MED25: variants seen among roughly 807,000 people sequenced by gnomAD.
MED25 encodes mediator complex subunit 25, also known as mediator of RNA polymerase II transcription subunit 25.
In MED25, 62 loss-of-function variants were observed where a neutral mutation model predicts 89.4. The ratio of observed to expected loss-of-function variants is 0.69; its 90% CI spans 0.57 to 0.86. The LOEUF is 0.86. Among genes scored for constraint, MED25 ranks in the 40% least tolerant of loss-of-function variants. The pLI is 0.00. For synonymous variants in MED25, 449 were observed against 427.9 expected (o/e 1.05, Z -0.61); for missense variants, 905 against 1,005.2 (o/e 0.90, Z 1.35).
intron 2 of MED25, 37 bp downstream of exon 2, chr19:49,818,653 G>C (rs2073956775): frequency 1.3e-6 from 2 of 1,590,042 alleles, no homozygotes; most frequent in Non-Finnish European, 1.7e-6. Flanking sequence ...GGGAGGAGGG[G>C]CCGGGGGCCT....
At chr19:49,825,563 A>G (rs910735146) in intron 3 of MED25, among the ~76,000 whole-genome samples, 1 of 151,702 alleles carries the variant, frequency 6.6e-6, no homozygotes, top group East Asian at 2.0e-4. Flanking sequence ...ACTGTTTTAC[A>G]GGGTCATGCC....
chr19:49,831,597 T>A lies in MED25; in HGVS notation c.1230+136T>A, dbSNP rs2074058184. 2 of 1,189,246 alleles carry A rather than the reference T, an allele frequency of 1.7e-6. No individual in the cohort carries two copies. The highest frequency in any genetic ancestry group is 5.1e-5 in the Admixed American group (2 of 39,106). The allele number at this position is 1,189,246 out of a possible 1,614,324, so 73.7% of individuals were successfully genotyped here. On this transcript the variant is annotated intron_variant, in intron 10 of 17. Coordinates refer to ENST00000312865, the MANE Select transcript of MED25 (RefSeq NM_030973.4). The surrounding 1 kb of genome is among the most constrained non-coding windows in gnomAD (Gnocchi z 5.0). ...CATTCGTTGCGCTGGACCTGTGGGA[T>A]GCGGGGCGAGGCCAGGAGCCCCATG...
At chr19:49,822,612 C>A (rs998818756) in intron 3 of MED25, among the ~76,000 whole-genome samples, 25 of 147,718 alleles carry the variant, frequency 1.7e-4, no homozygotes, top group African/African-American at 1.2e-4. Context: ...TTGGAAGTTA[C>A]ACGTCATGTC....
At chr19:49,826,345 CA>C (rs1313776166) in intron 3 of MED25, among the ~76,000 whole-genome samples, 2 of 152,166 alleles carry the variant, frequency 1.3e-5, no homozygotes, top group Non-Finnish European at 2.9e-5. Flanking sequence ...GTCTCAAAAA[CA>C]AAAGCTGTTT....
downstream of MED25, chr19:49,838,825 GGTTT>G: frequency 2.3e-6 from 1 of 441,976 alleles, no homozygotes; most frequent in Non-Finnish European, 4.6e-6. Context: ...ATGTCAATAG[GGTTT>G]GTTTTGAAAA....
Position 49,829,170 on chromosome 19 carries a change from G to A in MED25, c.525+80G>A. On this transcript the variant is annotated intron_variant, in intron 5 of 17. Transcript: ENST00000312865. The surrounding 1 kb of genome is among the most constrained non-coding windows in gnomAD (Gnocchi z 4.6). Reference sequence around the variant, plus strand: ...TGAGGCAGGAGGCACTGAGGGCCTGGACTCCTGGGTCTGAGGGAGGAGGCA... The same window carrying A: ...TGAGGCAGGAGGCACTGAGGGCCTGAACTCCTGGGTCTGAGGGAGGAGGCA... The A allele has an allele frequency of 7.6e-7, 1 of 1,321,776 alleles. No homozygotes were observed. Among genetic ancestry groups the A allele is most frequent in the Admixed American group, 1.9e-5 (1 of 51,740 alleles). 81.9% of individuals were successfully genotyped at this position (1,321,776 alleles called of 1,614,324 possible).
downstream of MED25, chr19:49,839,152 A>G (rs1008555326): frequency 1.6e-5 from 4 of 243,540 alleles, no homozygotes; most frequent in African/African-American, 9.1e-5. Context: ...GGTGTTAAGA[A>G]TCTTGATGTG....
intron 13 of MED25, chr19:49,832,863 G>A (rs1306796793): frequency 1.8e-5 from 5 of 270,532 alleles, no homozygotes; most frequent in African/African-American, 4.4e-5. Context: ...TGCCTCTTCC[G>A]GCCGGTAACC....
At position 49,831,692 on chromosome 19, in the gene MED25, C is replaced by T. The variant is rs951253083; in HGVS notation, c.1230+231C>T. Among the ~76,000 whole-genome samples the T allele has an allele frequency of 6.6e-6, 1 of 152,086 alleles. No homozygotes were observed. Among genetic ancestry groups the T allele is most frequent in the Non-Finnish European group, 1.5e-5 (1 of 68,008 alleles). On this transcript the variant is annotated intron_variant, in intron 10 of 17. Transcript: ENST00000312865. The surrounding 1 kb of genome is among the most constrained non-coding windows in gnomAD (Gnocchi z 5.0). Reference sequence around the variant, plus strand: ...ACCCAGAAAAGCCCAGGATTTGGGGCCCAGAGAAGAGCCCAGGCGATGTAT... The same window carrying T: ...ACCCAGAAAAGCCCAGGATTTGGGGTCCAGAGAAGAGCCCAGGCGATGTAT...
At chr19:49,822,281 A>AG (rs1300594292) in intron 3 of MED25, among the ~76,000 whole-genome samples, 1 of 141,450 alleles carries the variant, frequency 7.1e-6, no homozygotes, top group African/African-American at 2.7e-5. Context: ...AAAAAAAAAA[A>AG]AAACCATACA....
intron 13 of MED25, chr19:49,832,937 G>A (rs1345704747): frequency 2.9e-5 from 6 of 207,714 alleles, no homozygotes; most frequent in Admixed American, 5.3e-5. Context: ...CCCTCTGTGT[G>A]TGTCTCCACA....
intron 3 of MED25, among the ~76,000 whole-genome samples, chr19:49,825,277 C>T (rs1465015774): frequency 1.3e-5 from 2 of 151,736 alleles, no homozygotes; most frequent in Non-Finnish European, 2.9e-5. Context: ...GAGATGGAGT[C>T]TCTCTCTCTC....
Position 49,831,508 on chromosome 19 carries a change from T to C in MED25, c.1230+47T>C. 6.3e-7 allele frequency: 1 copy of C among 1,596,692 alleles called. No homozygotes were observed. The highest frequency in any genetic ancestry group is 8.5e-7 in the Non-Finnish European group (1 of 1,170,194). ...TGGGCACTTGGGACTCCTGGGGCCGTGGGGCTGGGCATGTAGGACTCATGG... is the reference window on the plus strand; with the variant it reads ...TGGGCACTTGGGACTCCTGGGGCCGCGGGGCTGGGCATGTAGGACTCATGG... On this transcript the variant is annotated intron_variant, in intron 10 of 17. Transcript: ENST00000312865. This position sits in a 1 kb window ranked among gnomAD's most constrained non-coding sequence, Gnocchi z 5.0.
chr19:49,823,887 C>T (rs906305634), intron 3 of MED25, among the ~76,000 whole-genome samples: 1 of 152,144 alleles, frequency 6.6e-6, no homozygotes, highest in African/African-American at 2.4e-5. Flanking sequence ...TCCTTGGCCT[C>T]TACTCACTAG....
Position 49,836,885 on chromosome 19 carries a change from C to G in MED25, c.2185C>G (p.Pro729Ala), listed in dbSNP as rs536619167. The G allele has an allele frequency of 1.9e-6, 3 of 1,612,650 alleles. No homozygotes were observed. In the East Asian group the frequency reaches 6.7e-5, roughly 36 times the overall value. Residue 729 changes from proline (P) to alanine (A), a missense_variant, in exon 18 of 18, where the codon CCC (proline) becomes GCC (alanine). By Grantham distance (27) the Pro-to-Ala change is conservative (BLOSUM62 -1). Around this residue, in one of 3 missense-constraint regions of MED25, gnomAD observed 271 missense variants for 258.1 expected, o/e 1.05. Coordinates refer to ENST00000312865, the MANE Select transcript of MED25 (RefSeq NM_030973.4). The surrounding 1 kb of genome is among the most constrained non-coding windows in gnomAD (Gnocchi z 5.1). Reference sequence around the variant, plus strand: ...GAGCGGGGGTCCCCGGGGCCCGGTCCCCCAGCCGGGCCTGCAGCCCAGCGT... The same window carrying G: ...GAGCGGGGGTCCCCGGGGCCCGGTCGCCCAGCCGGGCCTGCAGCCCAGCGT... ...LLSGGPRGPVPQPGLQPSVME... is the reference protein window; with the variant it reads ...LLSGGPRGPVAQPGLQPSVME...
Position 49,830,497 on chromosome 19 carries a change from C to G in MED25, c.820-14C>G, listed in dbSNP as rs1252422114. On this transcript the variant is annotated splice_polypyrimidine_tract_variant and intron_variant, in intron 7 of 17. Transcript: ENST00000312865. This position sits in a 1 kb window ranked among gnomAD's most constrained non-coding sequence, Gnocchi z 4.6. ...TCCTCACCAGTCCCTTCCCTTCTTC[C>G]CTTCTACCCACAGGTTCCCGGGAAC... 6.2e-7 allele frequency: 1 copy of G among 1,613,346 alleles called. No individual in the cohort carries two copies. Among genetic ancestry groups the G allele is most frequent in the African/African-American group, 1.3e-5 (1 of 74,910 alleles).
chr19:49,821,162 AGGTGGCGAGTCTGTGG>A (rs1248235886), intron 3 of MED25, among the ~76,000 whole-genome samples: 1 of 152,210 alleles, frequency 6.6e-6, no homozygotes, highest in Non-Finnish European at 1.5e-5. Flanking sequence ...TCCGTTCCCA[AGGTGGCGAGTCTGTGG>A]CTGTTGGCCA....
rs543075874 is a variant in MED25, at chr19:49,818,993, G to A, written c.181-179G>A. ...GGGTCTGAGGGAGGAGGGGCCGGGGGCCTGGATTCCTGGGTCTGAGGGAGA... is the reference window on the plus strand; with the variant it reads ...GGGTCTGAGGGAGGAGGGGCCGGGGACCTGGATTCCTGGGTCTGAGGGAGA... On this transcript the variant is annotated intron_variant, in intron 2 of 17. Transcript: ENST00000312865. 3 of 759,234 alleles carry A rather than the reference G, an allele frequency of 4.0e-6. No individual in the cohort carries two copies. The South Asian group carries it at 4.8e-5, about 12-fold the overall frequency. The allele number at this position is 759,234 out of a possible 1,614,324, so 47.0% of individuals were successfully genotyped here.
At chr19:49,828,570 C>T in intron 4 of MED25, 23 bp downstream of exon 4, 1 of 1,579,168 alleles carries the variant, frequency 6.3e-7, no homozygotes, top group Middle Eastern at 1.7e-4. Context: ...TCCACCCAGG[C>T]CGGGCCGGTC....
Sources: gnomAD v4.1 joint callset for allele counts (sites outside exome capture counted in the v4.1 genomes callset) on GRCh38, gnomAD v4.1.1 for gene constraint, gnomAD v4.1.1 regional missense constraint, Gnocchi (gnomAD v3.1) non-coding constraint, MANE v1.5 for transcripts, NCBI Gene and HGNC (gene_info 2026-07-23, HGNC 2026-07-21) for gene names.